ZNF280B: variants seen among roughly 807,000 people sequenced by gnomAD.
ZNF280B encodes the protein suppressor of hairy wing homolog 2.
A neutral mutation model predicts 38.0 loss-of-function variants in ZNF280B; 16 were observed. The ratio of observed to expected loss-of-function variants is 0.42; its 90% CI spans 0.28 to 0.64. The LOEUF (loss-of-function observed/expected upper bound fraction) is 0.64, where lower values mean the gene tolerates loss of function less well. Ranked by LOEUF, ZNF280B falls within the 30% of genes least tolerant of loss-of-function variation. The pLI is 0.21. For missense variants in ZNF280B, 581 were observed against 639.6 expected (o/e 0.91, Z 0.99); for synonymous variants, 253 against 230.6 (o/e 1.10, Z -0.88).
intron 2 of ZNF280B, among the ~76,000 whole-genome samples, chr22:22,507,511 G>A (rs907443847): frequency 6.6e-6 from 1 of 151,064 alleles, no homozygotes; most frequent in African/African-American, 2.4e-5. Context: ...AAGAGGGTAG[G>A]ATAAAAGGAG....
rs1441011895 is a variant in ZNF280B at position 22,485,471 on chromosome 22, C to A, written c.*2296G>T. The A allele has an allele frequency of 6.6e-6, 1 of 151,914 alleles. No individual in the cohort carries two copies. Among genetic ancestry groups the A allele is most frequent in the Non-Finnish European group, 1.5e-5 (1 of 68,018 alleles). The allele number at this position is 151,914 out of a possible 1,614,324, so 9.4% of individuals were successfully genotyped here. On this transcript the variant is annotated 3_prime_UTR_variant, in exon 4 of 4. Transcript: ENST00000626650. ...AAGTGTCTTAACCCAAGCAACGTAA[C>A]TGAAAAGACCTAGTATAGTGTTCAA...
intron 2 of ZNF280B, among the ~76,000 whole-genome samples, chr22:22,501,877 G>C (rs1314187133): frequency 2.0e-5 from 3 of 151,956 alleles, no homozygotes; most frequent in African/African-American, 7.2e-5. Context: ...GGGCGTGGTA[G>C]AGTGTGCCCG....
chr22:22,499,477 G>A (rs2061772492), intron 2 of ZNF280B, among the ~76,000 whole-genome samples: 1 of 151,358 alleles, frequency 6.6e-6, no homozygotes, highest in Non-Finnish European at 1.5e-5. Flanking sequence ...ATGCTGGTCA[G>A]GCTGGTCTCG....
rs1382221473 is a variant in ZNF280B at position 22,487,790 on chromosome 22, TGC to T, written c.1607_1608del (p.Ser536LysfsTer50). On this transcript the variant is annotated frameshift_variant, in exon 4 of 4. Coordinates refer to ENST00000626650, the MANE Select transcript of ZNF280B (RefSeq NM_080764.4). LOFTEE classifies it high-confidence loss of function. ...AATTAATGGGACTTTTTTGAAATTT[TGC>T]TTTTAGACCTGGGGAGTGATGGTTC... ...DSEPSLPRSK[S>X]KISKKSH The T allele has an allele frequency of 1.7e-5, 26 of 1,573,674 alleles. No individual in the cohort carries two copies. The Admixed American group carries it at 2.6e-4, about 16-fold the overall frequency.
intron 2 of ZNF280B, among the ~76,000 whole-genome samples, chr22:22,507,158 G>A (rs1031560442): frequency 1.3e-5 from 2 of 151,912 alleles, no homozygotes. Flanking sequence ...GAGCTTAGAG[G>A]CAGATGATCC....
At chr22:22,495,249 ACTTTTTCCCTCAGT>A (rs762371065) in intron 2 of ZNF280B, among the ~76,000 whole-genome samples, 1 of 151,960 alleles carries the variant, frequency 6.6e-6, no homozygotes, top group Non-Finnish European at 1.5e-5. Context: ...AACATTTTCC[ACTTTTTCCCTCAGT>A]CTACCTTTTT....
rs2061495302 is a variant in ZNF280B at position 22,485,905 on chromosome 22, A to C, written c.*1862T>G. 6.6e-6 allele frequency: 1 copy of C among 152,032 alleles called. No individual in the cohort carries two copies. Among genetic ancestry groups the C allele is most frequent in the African/African-American group, 2.4e-5 (1 of 41,376 alleles). The allele number at this position is 152,032 out of a possible 1,614,324, so 9.4% of individuals were successfully genotyped here. ...AGCAGGGAGACAACTCCGGGAGTCCACAGAGGCAGCCAAGACTGCTGATGT... is the reference window on the plus strand; with the variant it reads ...AGCAGGGAGACAACTCCGGGAGTCCCCAGAGGCAGCCAAGACTGCTGATGT... On this transcript the variant is annotated 3_prime_UTR_variant, in exon 4 of 4. Coordinates refer to ENST00000626650, the MANE Select transcript of ZNF280B (RefSeq NM_080764.4).
chr22:22,486,611 C>A lies in ZNF280B; in HGVS notation c.*1156G>T, dbSNP rs2146745240. 6.6e-6 allele frequency: 1 copy of A among 152,276 alleles called. No individual in the cohort carries two copies. The highest frequency in any genetic ancestry group is 2.0e-4 in the East Asian group (1 of 5,098). The allele number at this position is 152,276 out of a possible 1,614,324, so 9.4% of individuals were successfully genotyped here. On this transcript the variant is annotated 3_prime_UTR_variant, in exon 4 of 4. Coordinates refer to ENST00000626650, the MANE Select transcript of ZNF280B (RefSeq NM_080764.4). ...TCACAGAACAGGAAGTCAGCTAGTA[C>A]CAGGCACCATTCTATTAATTTTATT...
chr22:22,505,005 G>A (rs1024404193), intron 2 of ZNF280B, among the ~76,000 whole-genome samples: 1 of 151,890 alleles, frequency 6.6e-6, no homozygotes, highest in Non-Finnish European at 1.5e-5. Context: ...AAGTAACATG[G>A]TTATATAAAC....
intron 2 of ZNF280B, among the ~76,000 whole-genome samples, chr22:22,495,155 G>C (rs1457821677): frequency 6.6e-6 from 1 of 151,924 alleles, no homozygotes; most frequent in Non-Finnish European, 1.5e-5. Flanking sequence ...CTGAACCCCA[G>C]GATTGTGGGG....
rs960609261 is a variant in ZNF280B, at chr22:22,484,745, T to A, written c.*3022A>T. 1.3e-5 allele frequency: 2 copies of A among 152,240 alleles called. No individual in the cohort carries two copies. Among genetic ancestry groups the A allele is most frequent in the African/African-American group, 4.8e-5 (2 of 41,372 alleles). The allele number at this position is 152,240 out of a possible 1,614,324, so 9.4% of individuals were successfully genotyped here. On this transcript the variant is annotated 3_prime_UTR_variant, in exon 4 of 4. Transcript: ENST00000626650. The stretch of plus-strand genomic sequence containing the variant: ...AATTCTAAGACAGAAGCAAAGCCCT[T>A]GATGATGATCGCTTTCCAGCTTTTT...
chr22:22,487,772 G>A lies in ZNF280B; in HGVS notation c.1627C>T (p.His543Tyr), dbSNP rs746709273. Residue 543 changes from histidine (H) to tyrosine (Y), a missense_variant, in exon 4 of 4, where the codon CAT becomes TAT. His to Tyr is a moderately conservative substitution (Grantham distance 83, BLOSUM62 2). Coordinates refer to ENST00000626650, the MANE Select transcript of ZNF280B (RefSeq NM_080764.4). ...RSKSKISKKSH is the reference protein window; with the variant it reads ...RSKSKISKKSY ...TAGATTTACTGAAACTAGAATTAAT[G>A]GGACTTTTTTGAAATTTTGCTTTTA... 20 of 1,571,204 alleles carry A rather than the reference G, an allele frequency of 1.3e-5. No individual in the cohort carries two copies. Among genetic ancestry groups the A allele is most frequent in the Middle Eastern group, 1.7e-4 (1 of 5,814 alleles).
chr22:22,507,236 T>C (rs1405370212), intron 2 of ZNF280B, among the ~76,000 whole-genome samples: 2 of 151,962 alleles, frequency 1.3e-5, no homozygotes, highest in African/African-American at 2.4e-5. Flanking sequence ...ATGAGTGACC[T>C]TGAGCCAGAA....
intron 2 of ZNF280B, among the ~76,000 whole-genome samples, chr22:22,498,707 ATCTT>A (rs1470617500): frequency 6.6e-6 from 1 of 151,002 alleles, no homozygotes; most frequent in Non-Finnish European, 1.5e-5. Flanking sequence ...AACTTTGCAC[ATCTT>A]TCTATGAGGC....
At chr22:22,508,328 G>T (rs970518550) in intron 1 of ZNF280B, among the ~76,000 whole-genome samples, 2 of 151,934 alleles carry the variant, frequency 1.3e-5, no homozygotes, top group Admixed American at 1.3e-4. Flanking sequence ...CCCCGCGGGG[G>T]CGATGGGGGA....
chr22:22,489,506 T>C, intron 3 of ZNF280B, 40 bp from the exon 4 acceptor site: 1 of 936,108 alleles, frequency 1.1e-6, no homozygotes, highest in Non-Finnish European at 1.6e-6. Flanking sequence ...GGAAAATGCA[T>C]TACCTTATTT....
chr22:22,497,652 G>A (rs2061728438), intron 2 of ZNF280B, among the ~76,000 whole-genome samples: 1 of 151,922 alleles, frequency 6.6e-6, no homozygotes, highest in Admixed American at 6.6e-5. Flanking sequence ...TAAATGCCCA[G>A]CAACAGGGTG....
chr22:22,505,073 T>C (rs931583781), intron 2 of ZNF280B, among the ~76,000 whole-genome samples: 2 of 151,936 alleles, frequency 1.3e-5, no homozygotes, highest in Admixed American at 1.3e-4. Flanking sequence ...ATAACATGAA[T>C]ATGGCTATCT....
intron 2 of ZNF280B, among the ~76,000 whole-genome samples, chr22:22,500,912 C>T (rs1313401774): frequency 6.7e-6 from 1 of 148,204 alleles, no homozygotes; most frequent in East Asian, 2.1e-4. Flanking sequence ...CCCAGCTACT[C>T]GGGAAGCTGA....
Sources: gnomAD v4.1 joint callset for allele counts (sites outside exome capture counted in the v4.1 genomes callset) on GRCh38, gnomAD v4.1.1 for gene constraint, MANE v1.5 for transcripts, NCBI Gene and HGNC (gene_info 2026-07-23, HGNC 2026-07-21) for gene names.